The following TIAM2 variants were observed in gnomAD, a reference collection of about 807,000 sequenced individuals.
TIAM2 encodes the protein TIAM Rac1 associated GEF 2.
A neutral mutation model predicts 152.9 loss-of-function variants in TIAM2; 80 were observed. The observed-to-expected ratio is 0.52, with a 90% CI of 0.44 to 0.63. The LOEUF is 0.63. Ranked by LOEUF, TIAM2 falls within the 30% of genes least tolerant of loss-of-function variation. The pLI is 0.00. For missense variants in TIAM2, 1,965 were observed against 2,120.1 expected, an observed-to-expected ratio of 0.93 and a Z score of 1.44; for synonymous variants, 804 against 838.0, an observed-to-expected ratio of 0.96 and a Z score of 0.70.
intron 2 of TIAM2, among the ~76,000 whole-genome samples, chr6:155,091,135 T>C (rs369436325): frequency 6.6e-6 from 1 of 152,292 alleles, no homozygotes; most frequent in East Asian, 1.9e-4. Flanking sequence ...TGCTTCATGC[T>C]TTTTGGGTTT....
intron 21 of TIAM2, 114 bp downstream of exon 21, chr6:155,250,083 T>C (rs1207117692): frequency 1.5e-6 from 1 of 689,518 alleles, no homozygotes; most frequent in Non-Finnish European, 2.5e-6. Context: ...ATGCCTAAGA[T>C]TTTTCTTGAT....
rs1167676446 is a variant in TIAM2 at position 155,174,621 on chromosome 6, G to A, written c.2362-2195G>A. Among the ~76,000 whole-genome samples the A allele has an allele frequency of 2.6e-5, 4 of 152,258 alleles. No homozygotes were observed. Among genetic ancestry groups the A allele is most frequent in the East Asian group, 3.9e-4 (2 of 5,182 alleles). On this transcript the variant is annotated intron_variant, in intron 9 of 26. Coordinates refer to ENST00000682666, the MANE Select transcript of TIAM2 (RefSeq NM_012454.4). This position sits in a 1 kb window ranked among gnomAD's most constrained non-coding sequence, Gnocchi z 4.2. Reference sequence around the variant, plus strand: ...TGACCTTAGGTGATCCACTGGCCTCGGCCTCCCAAAGTGCTGGAATTACAG... The same window carrying A: ...TGACCTTAGGTGATCCACTGGCCTCAGCCTCCCAAAGTGCTGGAATTACAG...
At chr6:155,055,633 T>G (rs1281076061) in intron 1 of TIAM2, among the ~76,000 whole-genome samples, 1 of 152,098 alleles carries the variant, frequency 6.6e-6, no homozygotes. Flanking sequence ...TGTTAATGAA[T>G]GAAGGTATTA....
At chr6:155,092,950 T>C (rs1266897814) in intron 2 of TIAM2, among the ~76,000 whole-genome samples, 1 of 152,246 alleles carries the variant, frequency 6.6e-6, no homozygotes, top group Non-Finnish European at 1.5e-5. Flanking sequence ...GAATTTGTTT[T>C]GCATTGAAAA....
At chr6:155,227,652 C>T (rs1010409063) in intron 15 of TIAM2, among the ~76,000 whole-genome samples, 8 of 152,162 alleles carry the variant, frequency 5.3e-5, no homozygotes, top group African/African-American at 1.7e-4. Flanking sequence ...AAAGGTAGAG[C>T]GACTGTATTT....
rs747385493 is a variant in TIAM2, at chr6:155,042,132, G to C, written c.-209+46640G>C. On this transcript the variant is annotated intron_variant, in intron 1 of 26. Transcript: ENST00000682666. ...GGTCCTGTTGTAGGGGTTGTGGACT[G>C]TTGCACCCGGTCCCTTTCAGGCGGC... 8.6e-5 allele frequency among the ~76,000 whole-genome samples: 13 copies of C among 151,924 alleles called. No individual in the cohort carries two copies. In the East Asian group the frequency reaches 2.3e-3, roughly 27 times the overall value.
chr6:155,099,382 C>T lies in TIAM2; in HGVS notation c.-118+9003C>T, dbSNP rs191995241. On this transcript the variant is annotated intron_variant, in intron 2 of 26. Transcript: ENST00000682666. ...ATTTAGATTTGCAATGGCTTTAAAG[C>T]AATACATACCATGCTAGTATTGCGT... Among the ~76,000 whole-genome samples, 9 of 152,134 alleles carry T rather than the reference C, an allele frequency of 5.9e-5. No individual in the cohort carries two copies. In the East Asian group the frequency reaches 1.7e-3, roughly 29 times the overall value.
intron 1 of TIAM2, among the ~76,000 whole-genome samples, chr6:155,079,298 G>C (rs543375781): frequency 1.1e-4 from 17 of 152,154 alleles, no homozygotes; most frequent in Non-Finnish European, 2.2e-4. Context: ...CTGACCTCAG[G>C]TAATCTTCCG....
At chr6:155,151,482 C>T (rs184891912) in intron 7 of TIAM2, among the ~76,000 whole-genome samples, 1 of 152,326 alleles carries the variant, frequency 6.6e-6, no homozygotes, top group Admixed American at 6.5e-5. Flanking sequence ...TTCCTAATAC[C>T]ATCACCTAAA....
At position 155,226,507 on chromosome 6, in the gene TIAM2, T is replaced by TA. The variant is rs957249256; in HGVS notation, c.3169-14015dup. Among the ~76,000 whole-genome samples the TA allele has an allele frequency of 1.8e-3, 268 of 151,956 alleles. 1 individual carries two copies. Among genetic ancestry groups the TA allele is most frequent in the Non-Finnish European group, 3.3e-3 (224 of 67,928 alleles). ...CAACATGGTGAAACCCCATCTCTAC[T>TA]AAAAAAAATTAGCTGGGTATGGTGG... is the stretch of plus-strand genomic sequence containing the variant. On this transcript the variant is annotated intron_variant, in intron 15 of 26. Transcript: ENST00000682666.
intron 16 of TIAM2, among the ~76,000 whole-genome samples, chr6:155,241,391 A>G (rs1183765319): frequency 6.6e-6 from 1 of 152,228 alleles, no homozygotes; most frequent in Admixed American, 6.5e-5. Context: ...TTACTGAAGC[A>G]GCGCGGCACG....
chr6:155,145,680 G>C (rs1378819150), intron 6 of TIAM2, among the ~76,000 whole-genome samples: 1 of 152,118 alleles, frequency 6.6e-6, no homozygotes, highest in African/African-American at 2.4e-5. Context: ...TTCATGGAAA[G>C]CCTCGTAAAG....
intron 1 of TIAM2, among the ~76,000 whole-genome samples, chr6:155,062,288 G>T (rs1017837248): frequency 6.6e-6 from 1 of 152,138 alleles, no homozygotes; most frequent in African/African-American, 2.4e-5. Flanking sequence ...GAATAAAGCT[G>T]CTATAAACAA....
intron 1 of TIAM2, among the ~76,000 whole-genome samples, chr6:155,052,598 A>G (rs1777341907): frequency 1.3e-5 from 2 of 152,036 alleles, no homozygotes; most frequent in Admixed American, 6.6e-5. Flanking sequence ...AAACCCTGTC[A>G]CTACTAAAAC....
At chr6:155,194,748 A>C (rs1423184910) in intron 14 of TIAM2, among the ~76,000 whole-genome samples, 1 of 152,206 alleles carries the variant, frequency 6.6e-6, no homozygotes, top group East Asian at 1.9e-4. Context: ...CGCTTTAAAC[A>C]TTTCAACATT....
intron 1 of TIAM2, among the ~76,000 whole-genome samples, chr6:155,052,626 C>T (rs1329530260): frequency 1.3e-5 from 2 of 151,912 alleles, no homozygotes; most frequent in East Asian, 3.9e-4. Flanking sequence ...ATTAGTCGGG[C>T]ATGGTGGTGC....
chr6:155,126,464 G>C (rs1378441514), intron 2 of TIAM2, among the ~76,000 whole-genome samples: 1 of 152,226 alleles, frequency 6.6e-6, no homozygotes, highest in Admixed American at 6.5e-5. Flanking sequence ...AGGCGCGGTG[G>C]CTCACGCCTG....
intron 16 of TIAM2, 78 bp from the exon 17 acceptor site, chr6:155,243,933 C>T (rs1376509438): frequency 6.3e-6 from 7 of 1,108,374 alleles, no homozygotes; most frequent in South Asian, 1.3e-5. Context: ...GGAGCTGCTG[C>T]CAGGTTGCTG....
At chr6:155,000,361 G>A (rs776400341) in intron 1 of TIAM2, among the ~76,000 whole-genome samples, 46 of 151,856 alleles carry the variant, frequency 3.0e-4, no homozygotes, top group African/African-American at 1.0e-3. Flanking sequence ...GAGAAACCCC[G>A]TCTTTACTAA....
Sources: gnomAD v4.1 joint callset for allele counts (sites outside exome capture counted in the v4.1 genomes callset) on GRCh38, gnomAD v4.1.1 for gene constraint, Gnocchi (gnomAD v3.1) non-coding constraint, MANE v1.5 for transcripts, NCBI Gene and HGNC (gene_info 2026-07-23, HGNC 2026-07-21) for gene names.